The following KLHL29 variants were observed in gnomAD, a reference collection of about 807,000 sequenced individuals.
KLHL29 encodes the protein kelch like family member 29.
Under a neutral mutation model 80.4 loss-of-function variants are expected in KLHL29, and 21 were observed. The observed-to-expected ratio is 0.26, with a 90% confidence interval of 0.19 to 0.38. The LOEUF is 0.38. Among genes scored for constraint, KLHL29 ranks in the 10% least tolerant of loss-of-function variants. The probability of loss-of-function intolerance (pLI) is 1.00; values close to 1 mark genes in which losing one functional copy is unlikely to be tolerated. For missense variants in KLHL29, 867 were observed against 1,223.9 expected (o/e 0.71, Z 4.35); for synonymous variants, 511 against 526.8 (o/e 0.97, Z 0.41).
At chr2:23,576,251 G>A (rs924321732) in intron 3 of KLHL29, among the ~76,000 whole-genome samples, 5 of 149,330 alleles carry the variant, frequency 3.3e-5, no homozygotes, top group Non-Finnish European at 5.9e-5. Flanking sequence ...GTTGCAGTGA[G>A]CCAAGATAGC....
At chr2:23,572,166 C>T (rs890605671) in intron 3 of KLHL29, among the ~76,000 whole-genome samples, 1 of 152,320 alleles carries the variant, frequency 6.6e-6, no homozygotes, top group Admixed American at 6.5e-5. Flanking sequence ...GTACGTGAGC[C>T]AGGAGGTCAC....
intron 1 of KLHL29, among the ~76,000 whole-genome samples, chr2:23,402,406 G>A (rs1474404301): frequency 3.3e-5 from 5 of 152,214 alleles, no homozygotes; most frequent in Admixed American, 6.5e-5. Context: ...CCCACACACC[G>A]GATTAGAATC....
At chr2:23,484,844 G>A (rs1186739583) in intron 2 of KLHL29, among the ~76,000 whole-genome samples, 1 of 152,128 alleles carries the variant, frequency 6.6e-6, no homozygotes, top group Non-Finnish European at 1.5e-5. Flanking sequence ...GCAGACTCCT[G>A]TTCTCCCTGA....
At chr2:23,660,913 C>A (rs910150161) in intron 5 of KLHL29, among the ~76,000 whole-genome samples, 2 of 152,150 alleles carry the variant, frequency 1.3e-5, no homozygotes, top group African/African-American at 2.4e-5. Context: ...CGCCTGTAAT[C>A]CCAGCTACTT....
intron 1 of KLHL29, among the ~76,000 whole-genome samples, chr2:23,395,761 A>G (rs1666438221): frequency 6.6e-6 from 1 of 151,962 alleles, no homozygotes; most frequent in African/African-American, 2.4e-5. Flanking sequence ...GGAAAGAAAA[A>G]AAAAAAAAAG....
intron 1 of KLHL29, among the ~76,000 whole-genome samples, chr2:23,430,759 C>T (rs1369201911): frequency 4.6e-5 from 7 of 152,140 alleles, no homozygotes; most frequent in East Asian, 1.9e-4. Context: ...GGTTAGAACC[C>T]GGGAACTAAT....
At chr2:23,698,439 G>A (rs917997235) in intron 11 of KLHL29, among the ~76,000 whole-genome samples, 2 of 152,210 alleles carry the variant, frequency 1.3e-5, no homozygotes, top group Non-Finnish European at 2.9e-5. Context: ...CAGTGGCAAT[G>A]ATGAGAATTC....
intron 5 of KLHL29, among the ~76,000 whole-genome samples, chr2:23,653,412 C>T (rs532835573): frequency 2.0e-5 from 3 of 152,210 alleles, no homozygotes; most frequent in East Asian, 3.9e-4. Flanking sequence ...CTGCATGGGC[C>T]GCACTGGGCC....
chr2:23,468,323 G>A (rs776194322), intron 1 of KLHL29, among the ~76,000 whole-genome samples: 5 of 152,176 alleles, frequency 3.3e-5, no homozygotes, highest in African/African-American at 4.8e-5. Flanking sequence ...GACTAGGATG[G>A]AAACCCAAAA....
chr2:23,420,523 C>T (rs1662769853), intron 1 of KLHL29, among the ~76,000 whole-genome samples: 1 of 152,214 alleles, frequency 6.6e-6, no homozygotes, highest in Non-Finnish European at 1.5e-5. Flanking sequence ...AAAGCGACTG[C>T]TGCCCTCTGA....
chr2:23,524,074 AG>A, intron 2 of KLHL29: 1 of 470,972 alleles, frequency 2.1e-6, no homozygotes, highest in Non-Finnish European at 4.4e-6. Context: ...TTCCCCATCT[AG>A]GGTTTTTTCT....
chr2:23,409,610 G>T (rs978788687), intron 1 of KLHL29, among the ~76,000 whole-genome samples: 1 of 152,212 alleles, frequency 6.6e-6, no homozygotes, highest in Non-Finnish European at 1.5e-5. Flanking sequence ...AGACTGTAAG[G>T]CAGTGCGTCT....
intron 3 of KLHL29, among the ~76,000 whole-genome samples, chr2:23,581,439 C>T (rs1553340852): frequency 6.6e-6 from 1 of 152,194 alleles, no homozygotes; most frequent in Non-Finnish European, 1.5e-5. Flanking sequence ...ACTCCACTTG[C>T]GATGGAGTGT....
chr2:23,626,476 A>T (rs1324871187), intron 3 of KLHL29, among the ~76,000 whole-genome samples: 1 of 152,236 alleles, frequency 6.6e-6, no homozygotes, highest in African/African-American at 2.4e-5. Flanking sequence ...AGAGCTGGGC[A>T]CTTAGATCTT....
intron 1 of KLHL29, among the ~76,000 whole-genome samples, chr2:23,405,159 T>C (rs1666693774): frequency 6.6e-6 from 1 of 152,246 alleles, no homozygotes; most frequent in African/African-American, 2.4e-5. Context: ...TTAGGCATAC[T>C]TCTCTCATGC....
At chr2:23,636,516 G>T (rs567087173) in intron 3 of KLHL29, among the ~76,000 whole-genome samples, 1 of 151,950 alleles carries the variant, frequency 6.6e-6, no homozygotes, top group Non-Finnish European at 1.5e-5. Context: ...AGCCCACTTC[G>T]CCTGCTCACA....
At chr2:23,704,019 G>A (rs138875571) in intron 13 of KLHL29, among the ~76,000 whole-genome samples, 156 bp downstream of exon 13, 231 of 152,324 alleles carry the variant, frequency 1.5e-3, no homozygotes, top group African/African-American at 5.3e-3. Flanking sequence ...CATTAGCCCA[G>A]ACCAGTAGGG....
chr2:23,507,733 A>G (rs1343867121), intron 2 of KLHL29, among the ~76,000 whole-genome samples: 1 of 152,068 alleles, frequency 6.6e-6, no homozygotes, highest in Non-Finnish European at 1.5e-5. Flanking sequence ...CACCCAAAGC[A>G]GCCTGTTTGT....
chr2:23,393,235 T>C (rs1666365707), intron 1 of KLHL29, among the ~76,000 whole-genome samples: 1 of 152,234 alleles, frequency 6.6e-6, no homozygotes, highest in Non-Finnish European at 1.5e-5. Flanking sequence ...TTGGATGTTC[T>C]TTTCACTCCG....
Sources: allele counts gnomAD v4.1 joint callset (sites outside exome capture counted in the v4.1 genomes callset), GRCh38; gene constraint gnomAD v4.1.1; transcripts MANE v1.5; gene names NCBI Gene and HGNC (gene_info 2026-07-23, HGNC 2026-07-21).